The following DPP10 variants were observed in gnomAD, a reference collection of about 807,000 sequenced individuals.
The protein encoded by DPP10 is inactive dipeptidyl peptidase 10.
Under a neutral mutation model 120.9 loss-of-function variants are expected in DPP10, and 33 were observed. The observed-to-expected ratio is 0.27, with a 90% confidence interval of 0.21 to 0.37. The LOEUF is 0.37. DPP10 is among the 10% of genes least tolerant of loss of function. DPP10 has a pLI of 1.00. For synonymous variants in DPP10, 337 were observed against 326.1 expected (o/e 1.03, Z -0.36); for missense variants, 816 against 942.8 (o/e 0.87, Z 1.76).
intron 5 of DPP10, among the ~76,000 whole-genome samples, chr2:115,680,508 C>A (rs571675384): frequency 7.9e-5 from 12 of 152,014 alleles, no homozygotes; most frequent in African/African-American, 2.9e-4. Flanking sequence ...CATTGAGCAA[C>A]TTTCTGGTTA....
chr2:115,019,342 T>C (rs143137217), intron 1 of DPP10, among the ~76,000 whole-genome samples: 32 of 152,184 alleles, frequency 2.1e-4, no homozygotes, highest in Admixed American at 5.2e-4. Flanking sequence ...TCACAACTTC[T>C]GGAAATCAAA....
chr2:114,563,474 G>A (rs561268218), intron 1 of DPP10, among the ~76,000 whole-genome samples: 1 of 152,214 alleles, frequency 6.6e-6, no homozygotes, highest in African/African-American at 2.4e-5. Flanking sequence ...ACAGACCGAG[G>A]AATGGGCATG....
chr2:115,205,266 G>A lies in DPP10; in HGVS notation c.61-103973G>A, dbSNP rs573654305. On this transcript the variant is annotated intron_variant, in intron 1 of 25. Coordinates refer to ENST00000410059, the MANE Select transcript of DPP10 (RefSeq NM_020868.6). ...TTTAATTCATCTTGGGTTAACTTTT[G>A]TATATGGTAATAGGTAAGAATTTAA... 2.0e-5 allele frequency among the ~76,000 whole-genome samples: 3 copies of A among 152,222 alleles called. No individual in the cohort carries two copies. In the East Asian group the frequency reaches 5.8e-4, roughly 29 times the overall value.
At chr2:115,186,089 ATGTCTAACCCTTTTATAAGTGAG>A in intron 1 of DPP10, among the ~76,000 whole-genome samples, 1 of 152,302 alleles carries the variant, frequency 6.6e-6, no homozygotes. Context: ...TGTTGACTTC[ATGTCTAACCCTTTTATAAGTGAG>A]TGGAAATAAG....
intron 1 of DPP10, among the ~76,000 whole-genome samples, chr2:114,610,894 T>C (rs569367469): frequency 9.6e-4 from 145 of 151,602 alleles, no homozygotes; most frequent in Middle Eastern, 6.8e-3. Flanking sequence ...ATCCCTCCCC[T>C]CAGGCCACCA....
chr2:114,629,264 C>G (rs1694743122), intron 1 of DPP10, among the ~76,000 whole-genome samples: 1 of 152,182 alleles, frequency 6.6e-6, no homozygotes, highest in Non-Finnish European at 1.5e-5. Flanking sequence ...CAGCCTGCTT[C>G]TCTGCCTTCG....
intron 9 of DPP10, among the ~76,000 whole-genome samples, chr2:115,743,713 A>G (rs370794661): frequency 7.1e-6 from 1 of 141,514 alleles, no homozygotes. Flanking sequence ...GATTTGTGAC[A>G]TATTCTCAAA....
intron 3 of DPP10, among the ~76,000 whole-genome samples, chr2:115,376,179 T>A (rs1245404395): frequency 6.6e-6 from 1 of 152,190 alleles, no homozygotes; most frequent in African/African-American, 2.4e-5. Context: ...ACTAGAGACT[T>A]TTTAAGGAAT....
chr2:115,054,824 A>G (rs923802806), intron 1 of DPP10, among the ~76,000 whole-genome samples: 6 of 152,198 alleles, frequency 3.9e-5, no homozygotes, highest in African/African-American at 9.6e-5. Flanking sequence ...AGGCAGGAGA[A>G]TTGCTTGACC....
intron 1 of DPP10, among the ~76,000 whole-genome samples, chr2:114,784,610 A>G (rs1682613040): frequency 1.3e-5 from 2 of 152,020 alleles, no homozygotes; most frequent in South Asian, 4.2e-4. Flanking sequence ...TGTTCCTGAA[A>G]TTGGTCAAGT....
chr2:115,539,188 G>A (rs1438371398), intron 5 of DPP10, among the ~76,000 whole-genome samples: 2 of 151,932 alleles, frequency 1.3e-5, no homozygotes, highest in Non-Finnish European at 2.9e-5. Context: ...CAAAGATTTA[G>A]CAATTGTGAT....
chr2:115,392,413 T>A (rs2067380808), intron 3 of DPP10, among the ~76,000 whole-genome samples: 1 of 152,222 alleles, frequency 6.6e-6, no homozygotes, highest in East Asian at 1.9e-4. Flanking sequence ...CATAAATTGT[T>A]GAACTGCATT....
At chr2:115,032,682 A>G (rs1245122593) in intron 1 of DPP10, among the ~76,000 whole-genome samples, 52 of 151,802 alleles carry the variant, frequency 3.4e-4, no homozygotes, top group Admixed American at 3.4e-3. Context: ...GGAGTTTGAG[A>G]CCAGCCTGGC....
chr2:114,500,142 G>A (rs774534602), intron 1 of DPP10, among the ~76,000 whole-genome samples: 8 of 152,216 alleles, frequency 5.3e-5, no homozygotes, highest in Non-Finnish European at 8.8e-5. Flanking sequence ...CCTGAAAGCA[G>A]AGAATATGCC....
At chr2:115,788,108 T>C (rs1205957314) in intron 17 of DPP10, among the ~76,000 whole-genome samples, 1 of 152,062 alleles carries the variant, frequency 6.6e-6, no homozygotes, top group Non-Finnish European at 1.5e-5. Context: ...AAAAACTAAA[T>C]AATTAGAAAA....
chr2:114,711,776 A>G (rs1191086050), intron 1 of DPP10, among the ~76,000 whole-genome samples: 3 of 152,128 alleles, frequency 2.0e-5, no homozygotes, highest in African/African-American at 4.8e-5. Flanking sequence ...ATTTTAAATG[A>G]AAGTACTTGA....
chr2:114,581,804 T>C (rs1158566422), intron 1 of DPP10, among the ~76,000 whole-genome samples: 1 of 152,156 alleles, frequency 6.6e-6, no homozygotes, highest in East Asian at 1.9e-4. Flanking sequence ...CTTAGACAAG[T>C]TTTTAGAGCA....
chr2:115,294,650 T>G (rs1213616477), intron 1 of DPP10, among the ~76,000 whole-genome samples: 1 of 152,138 alleles, frequency 6.6e-6, no homozygotes, highest in Non-Finnish European at 1.5e-5. Context: ...ATTGTTAACC[T>G]TATCAATTGT....
intron 18 of DPP10, 42 bp downstream of exon 18, chr2:115,791,221 T>C (rs773665565): frequency 1.0e-5 from 16 of 1,606,552 alleles, no homozygotes; most frequent in Admixed American, 6.8e-5. Context: ...AACAACTTTC[T>C]CTGCGTCTTA....
Sources: gnomAD v4.1 joint callset for allele counts (sites outside exome capture counted in the v4.1 genomes callset) on GRCh38, gnomAD v4.1.1 for gene constraint, MANE v1.5 for transcripts, NCBI Gene and HGNC (gene_info 2026-07-23, HGNC 2026-07-21) for gene names.